Variants in KDM4B observed in about 807,000 individuals in gnomAD.
KDM4B encodes the protein lysine demethylase 4B.
Under a neutral mutation model 125.2 loss-of-function variants are expected in KDM4B, and 32 were observed. The ratio of observed to expected loss-of-function variants is 0.26; its 90% CI spans 0.19 to 0.34. The LOEUF (loss-of-function observed/expected upper bound fraction) is 0.34. Among genes scored for constraint, KDM4B ranks in the 10% least tolerant of loss-of-function variants. The pLI, the probability that KDM4B is intolerant of heterozygous loss-of-function variation, is 1.00. For missense variants in KDM4B, 1,190 were observed against 1,577.7 expected, an observed-to-expected ratio of 0.75 and a Z score of 4.16; for synonymous variants, 721 against 677.9, an observed-to-expected ratio of 1.06 and a Z score of -0.99.
chr19:5,119,219 C>T (rs753747757), intron 10 of KDM4B: 115 of 1,526,904 alleles, frequency 7.5e-5, no homozygotes, highest in Non-Finnish European at 9.5e-5. Context: ...CCGGGGCTGT[C>T]GTAAGTGTCT....
intron 1 of KDM4B, among the ~76,000 whole-genome samples, chr19:5,007,277 T>A (rs1258698583): frequency 6.6e-6 from 1 of 152,214 alleles, no homozygotes; most frequent in Non-Finnish European, 1.5e-5. Flanking sequence ...CCTCTGTCAT[T>A]TTCGGCATGG....
At chr19:5,132,770 C>T (rs139618567) in intron 13 of KDM4B, among the ~76,000 whole-genome samples, 23 of 152,258 alleles carry the variant, frequency 1.5e-4, no homozygotes, top group African/African-American at 4.8e-4. Context: ...GAGCATTTGC[C>T]TGTGAGACCA....
At chr19:5,110,869 C>T in intron 10 of KDM4B, 51 bp downstream of exon 10, 1 of 1,458,474 alleles carries the variant, frequency 6.9e-7, no homozygotes, top group South Asian at 1.3e-5. Context: ...CGGGGGGTGG[C>T]CCTGCTGGGT....
intron 1 of KDM4B, among the ~76,000 whole-genome samples, chr19:4,978,235 A>G (rs491110): frequency 0.63 from 95,684 of 151,918 alleles, 30,528 homozygotes; most frequent in East Asian, 0.79. Context: ...GGCCAGGCAC[A>G]GTGGCTCACG....
chr19:5,057,063 T>TGTGTGTGTGTGC (rs1555701553), intron 6 of KDM4B, among the ~76,000 whole-genome samples: 9 of 134,364 alleles, frequency 6.7e-5, no homozygotes, highest in African/African-American at 2.5e-4. Flanking sequence ...TGTGTGTGTG[T>TGTGTGTGTGTGC]GTGCGCGCGC....
At chr19:5,088,962 C>A (rs1370523549) in intron 9 of KDM4B, among the ~76,000 whole-genome samples, 2 of 152,164 alleles carry the variant, frequency 1.3e-5, no homozygotes, top group Non-Finnish European at 2.9e-5. Context: ...GACCCAGAGG[C>A]TACACCGTGC....
chr19:4,988,423 C>T (rs1267671727), intron 1 of KDM4B, among the ~76,000 whole-genome samples: 1 of 152,032 alleles, frequency 6.6e-6, no homozygotes, highest in African/African-American at 2.4e-5. Flanking sequence ...CTACAGGTGC[C>T]CGCCACCACG....
chr19:5,052,421 T>C (rs374455392), intron 6 of KDM4B, among the ~76,000 whole-genome samples: 71 of 152,174 alleles, frequency 4.7e-4, no homozygotes, highest in African/African-American at 1.5e-3. Context: ...CAGCCCGGGC[T>C]TCCTGCCCTG....
At chr19:4,986,790 G>C (rs961582111) in intron 1 of KDM4B, among the ~76,000 whole-genome samples, 1 of 152,216 alleles carries the variant, frequency 6.6e-6, no homozygotes, top group African/African-American at 2.4e-5. Context: ...CAGCACGTGC[G>C]GAGGCCCCAA....
In KDM4B at chr19:5,039,993, G is replaced by T. The variant is rs369063729; in HGVS notation, c.299G>T (p.Arg100Leu). 8.7e-6 allele frequency: 14 copies of T among 1,611,136 alleles called. No individual in the cohort carries two copies. Among genetic ancestry groups the T allele is most frequent in the Non-Finnish European group, 1.0e-5 (12 of 1,178,776 alleles). ...KKAMTVGEYR[R>L]LANSEKYCTP... ...GCCATGACAGTGGGCGAGTACCGCC[G>T]CCTGGCCAACAGCGAGAAGTACGCG... Residue 100 changes from arginine (R) to leucine (L), a missense_variant, in exon 4 of 23, where the codon CGC (arginine) becomes CTC (leucine). By Grantham distance (102) the Arg-to-Leu change is moderately radical. This residue lies in a region of KDM4B where 139 missense variants were observed against 248.3 expected (regional missense o/e 0.56). Coordinates refer to ENST00000159111, the MANE Select transcript of KDM4B (RefSeq NM_015015.3).
intron 1 of KDM4B, among the ~76,000 whole-genome samples, chr19:4,976,882 CT>C (rs1031150870): frequency 3.9e-5 from 6 of 152,236 alleles, no homozygotes; most frequent in African/African-American, 1.4e-4. Context: ...AGATTTGGGC[CT>C]GTCCCAGGAA....
intron 1 of KDM4B, among the ~76,000 whole-genome samples, chr19:5,012,892 A>G (rs1362224813): frequency 6.6e-6 from 1 of 152,204 alleles, no homozygotes; most frequent in Non-Finnish European, 1.5e-5. Context: ...CGCATAGCCC[A>G]TGCGTAAGGA....
At chr19:5,134,128 C>T (rs896780922) in intron 14 of KDM4B, 67 bp downstream of exon 14, 9 of 1,446,086 alleles carry the variant, frequency 6.2e-6, no homozygotes, top group Admixed American at 4.0e-5. Flanking sequence ...GGCGAGGGAC[C>T]GGGCACCCCA....
chr19:4,982,937 C>T (rs868474728), intron 1 of KDM4B, among the ~76,000 whole-genome samples: 66 of 152,058 alleles, frequency 4.3e-4, no homozygotes, highest in African/African-American at 1.3e-3. Flanking sequence ...TTTAAGGCAG[C>T]GCTGTCCAGT....
At position 5,082,581 on chromosome 19, in the gene KDM4B, A is replaced by G; in HGVS notation, c.918+77A>G. On this transcript the variant is annotated intron_variant, in intron 9 of 22. Transcript: ENST00000159111. This position sits in a 1 kb window ranked among gnomAD's most constrained non-coding sequence, Gnocchi z 5.4. ...TTTTTGCCTCTGCAGCCACACGCCC[A>G]TAGCTGGTCCAGCAGCCGTTTCGCT... 6.8e-7 allele frequency: 1 copy of G among 1,464,860 alleles called. No homozygotes were observed. The highest frequency in any genetic ancestry group is 9.1e-7 in the Non-Finnish European group (1 of 1,098,032). The allele number at this position is 1,464,860 out of a possible 1,614,324, so 90.7% of individuals were successfully genotyped here. A position where few individuals can be genotyped will look rare whatever the true frequency, so the allele number is the denominator to read the frequency against.
At chr19:5,144,564 AG>A in intron 20 of KDM4B, 152 bp downstream of exon 20, 1 of 980,494 alleles carries the variant, frequency 1.0e-6, no homozygotes, top group Non-Finnish European at 1.5e-6. Flanking sequence ...CCTTGTCCTC[AG>A]GGCCCCAGGC....
intron 6 of KDM4B, among the ~76,000 whole-genome samples, chr19:5,051,010 A>C (rs549978575): frequency 4.9e-4 from 75 of 152,268 alleles, no homozygotes; most frequent in African/African-American, 1.7e-3. Flanking sequence ...CCCTCCAGGC[A>C]TCCCCTCCCC....
intron 1 of KDM4B, among the ~76,000 whole-genome samples, chr19:4,995,649 C>T (rs572814105): frequency 2.0e-5 from 3 of 152,166 alleles, no homozygotes; most frequent in Non-Finnish European, 4.4e-5. Context: ...CATTCAACCC[C>T]AGGAATATGC....
intron 1 of KDM4B, among the ~76,000 whole-genome samples, chr19:5,003,342 G>T (rs1006574667): frequency 6.6e-6 from 1 of 152,108 alleles, no homozygotes; most frequent in Non-Finnish European, 1.5e-5. Context: ...TTAGCTGGGT[G>T]TGGTGGCGCA....
Sources: gnomAD v4.1 joint callset for allele counts (sites outside exome capture counted in the v4.1 genomes callset) on GRCh38, gnomAD v4.1.1 for gene constraint, gnomAD v4.1.1 regional missense constraint, Gnocchi (gnomAD v3.1) non-coding constraint, MANE v1.5 for transcripts, NCBI Gene and HGNC (gene_info 2026-07-23, HGNC 2026-07-21) for gene names.